The following CATSPERE variants were observed in gnomAD, a reference collection of about 807,000 sequenced individuals.
CATSPERE encodes the protein cation channel sperm-associated auxiliary subunit epsilon.
In CATSPERE, 93 loss-of-function variants were observed where a neutral mutation model predicts 114.1. The observed-to-expected ratio is 0.81, with a 90% CI of 0.69 to 0.97. CATSPERE has a LOEUF of 0.97. CATSPERE is among the 50% of genes least tolerant of loss of function. The pLI, the probability that CATSPERE is intolerant of heterozygous loss-of-function variation, is 0.00. For synonymous variants in CATSPERE, 341 were observed against 384.1 expected (o/e 0.89, Z 1.31); for missense variants, 1,058 against 1,131.6 (o/e 0.93, Z 0.93).
chr1:244,572,239 CA>C (rs1192715428), intron 10 of CATSPERE, 90 bp from the exon 11 acceptor site: 5 of 682,226 alleles, frequency 7.3e-6, no homozygotes, highest in Non-Finnish European at 1.3e-5. Flanking sequence ...CGGTCATTAT[CA>C]AAGAAATTAT....
chr1:244,577,607 A>G (rs1396238810), intron 11 of CATSPERE, among the ~76,000 whole-genome samples: 1 of 152,216 alleles, frequency 6.6e-6, no homozygotes. Context: ...GTGTCCTCAC[A>G]TGGCAGAAGG....
At chr1:244,600,517 A>C (rs1213239299) in intron 17 of CATSPERE, among the ~76,000 whole-genome samples, 1 of 152,204 alleles carries the variant, frequency 6.6e-6, no homozygotes, top group Non-Finnish European at 1.5e-5. Flanking sequence ...CCTCCTATGG[A>C]TCTGAACTTA....
intron 20 of CATSPERE, among the ~76,000 whole-genome samples, chr1:244,623,870 G>A (rs556681585): frequency 6.6e-6 from 1 of 152,340 alleles, no homozygotes; most frequent in South Asian, 2.1e-4. Flanking sequence ...CTTTTAGCAA[G>A]TCATAATCTT....
Position 244,473,182 on chromosome 1 carries a change from C to T in CATSPERE, c.115-4359C>T, listed in dbSNP as rs567098865. 5.3e-5 allele frequency among the ~76,000 whole-genome samples: 8 copies of T among 152,224 alleles called. No individual in the cohort carries two copies. In the South Asian group the frequency reaches 1.7e-3, roughly 32 times the overall value. On this transcript the variant is annotated intron_variant, in intron 2 of 21. Coordinates refer to ENST00000366534, the MANE Select transcript of CATSPERE (RefSeq NM_001130957.2). ...TATGTTTAGTTTTGTAAGAAATTGCCAAACTGTCCTCCAAGATGGCTGTAC... is the reference window on the plus strand; with the variant it reads ...TATGTTTAGTTTTGTAAGAAATTGCTAAACTGTCCTCCAAGATGGCTGTAC...
At position 244,523,847 on chromosome 1, in the gene CATSPERE, G is replaced by C. The variant is rs1413572011; in HGVS notation, c.536+5149G>C. 1.4e-4 allele frequency among the ~76,000 whole-genome samples: 21 copies of C among 148,584 alleles called. 1 individual carries two copies. In the South Asian group the frequency reaches 4.3e-3, roughly 30 times the overall value. On this transcript the variant is annotated intron_variant, in intron 8 of 21. Transcript: ENST00000366534. ...TCAATGAAATAAAAGAGGATACAAA[G>C]AAATGGAAGAACATTCCATGTTCAT...
At chr1:244,471,555 C>T (rs977928239) in intron 2 of CATSPERE, among the ~76,000 whole-genome samples, 1 of 152,210 alleles carries the variant, frequency 6.6e-6, no homozygotes, top group Non-Finnish European at 1.5e-5. Flanking sequence ...TTCCCCATCT[C>T]AGCCATTGGC....
intron 10 of CATSPERE, among the ~76,000 whole-genome samples, chr1:244,571,606 A>G (rs1664476974): frequency 6.6e-6 from 1 of 152,172 alleles, no homozygotes; most frequent in Non-Finnish European, 1.5e-5. Context: ...ACTCACCTCC[A>G]TGTCTTCATT....
chr1:244,510,585 C>T lies in CATSPERE; in HGVS notation c.430-8007C>T, dbSNP rs565225344. Among the ~76,000 whole-genome samples, 10 of 152,190 alleles carry T rather than the reference C, an allele frequency of 6.6e-5. No homozygotes were observed. The South Asian group carries it at 1.0e-3, about 16-fold the overall frequency. Reference sequence around the variant, plus strand: ...TGATTAAAAGAATGTGTATTCTGTACTTTTTATGCAAAATGTTTTGTAAAT... The same window carrying T: ...TGATTAAAAGAATGTGTATTCTGTATTTTTTATGCAAAATGTTTTGTAAAT... On this transcript the variant is annotated intron_variant, in intron 7 of 21. Transcript: ENST00000366534.
At chr1:244,537,456 T>C (rs1006498690) in intron 8 of CATSPERE, among the ~76,000 whole-genome samples, 5 of 152,162 alleles carry the variant, frequency 3.3e-5, no homozygotes, top group Admixed American at 2.0e-4. Context: ...TGTCTTTGTC[T>C]GGTTTTGGTT....
At chr1:244,621,282 T>C (rs373969628) in intron 20 of CATSPERE, among the ~76,000 whole-genome samples, 4 of 115,916 alleles carry the variant, frequency 3.5e-5, no homozygotes, top group Non-Finnish European at 7.0e-5. Context: ...TATATCTATA[T>C]AGATATATCT....
At chr1:244,524,443 C>T (rs1286372779) in intron 8 of CATSPERE, among the ~76,000 whole-genome samples, 1 of 151,240 alleles carries the variant, frequency 6.6e-6, no homozygotes, top group East Asian at 1.9e-4. Context: ...GACTTCATGT[C>T]TAAAACACCA....
chr1:244,540,693 G>A (rs1362613915), intron 8 of CATSPERE, among the ~76,000 whole-genome samples: 3 of 145,088 alleles, frequency 2.1e-5, no homozygotes, highest in East Asian at 2.1e-4. Flanking sequence ...AGCCTGCATC[G>A]CCAAGTCAAT....
Position 244,621,189 on chromosome 1 carries a change from A to C in CATSPERE, c.2648+3503A>C, listed in dbSNP as rs1279298200. 5.1e-4 allele frequency among the ~76,000 whole-genome samples: 2 copies of C among 3,910 alleles called. 1 individual carries two copies. Among genetic ancestry groups the C allele is most frequent in the Non-Finnish European group, 2.0e-3 (2 of 1,022 alleles). The allele number at this position is 3,910 out of a possible 152,430, so 2.6% of individuals were successfully genotyped here. The stretch of plus-strand genomic sequence containing the variant: ...ATTATATATAGATATATTTATATAG[A>C]TATATTTATATAGATATATTTATAT... On this transcript the variant is annotated intron_variant, in intron 20 of 21. Coordinates refer to ENST00000366534, the MANE Select transcript of CATSPERE (RefSeq NM_001130957.2).
chr1:244,474,478 A>G (rs1358837982), intron 2 of CATSPERE, among the ~76,000 whole-genome samples: 4 of 151,864 alleles, frequency 2.6e-5, no homozygotes, highest in African/African-American at 9.7e-5. Flanking sequence ...TTCTTTAATT[A>G]TAGAATATTA....
At chr1:244,550,069 C>T (rs3000686) in intron 8 of CATSPERE, among the ~76,000 whole-genome samples, 151,141 of 152,248 alleles carry the variant, frequency 0.99, 75,031 homozygotes, top group Middle Eastern at 1. Context: ...ACTCACACCA[C>T]TGGCACCCCA....
chr1:244,499,355 A>G (rs1177439390), intron 7 of CATSPERE, among the ~76,000 whole-genome samples: 3 of 151,942 alleles, frequency 2.0e-5, no homozygotes, highest in African/African-American at 7.3e-5. Context: ...CTCTAAGTTC[A>G]GAGATATATG....
rs1323146072 is a variant in CATSPERE at position 244,605,751 on chromosome 1, T to C, written c.2360T>C (p.Ile787Thr). The part of the protein sequence containing the change: ...DVEANFIVWE[I>T]HGRDDYSFNN... ...GAAGCAAATTTCATAGTGTGGGAAA[T>C]ACACGGCAGGGATGACTATAGCTTT... Residue 787 changes from isoleucine to threonine, a missense_variant, in exon 18 of 22, where the codon ATA becomes ACA. Around this residue, in one of 2 missense-constraint regions of CATSPERE, gnomAD observed 787 missense variants for 905.6 expected, o/e 0.87. Transcript: ENST00000366534. The C allele has an allele frequency of 1.2e-6, 2 of 1,613,528 alleles. No homozygotes were observed. Among genetic ancestry groups the C allele is most frequent in the Non-Finnish European group, 1.7e-6 (2 of 1,179,730 alleles).
intron 7 of CATSPERE, among the ~76,000 whole-genome samples, chr1:244,512,999 C>A (rs1012038788): frequency 6.6e-6 from 1 of 152,168 alleles, no homozygotes; most frequent in African/African-American, 2.4e-5. Flanking sequence ...GGTTCGTGAA[C>A]CCCCTGGCAG....
chr1:244,490,624 G>C (rs1315645777), intron 6 of CATSPERE, among the ~76,000 whole-genome samples, 153 bp downstream of exon 6: 1 of 151,880 alleles, frequency 6.6e-6, no homozygotes, highest in Non-Finnish European at 1.5e-5. Flanking sequence ...CCATTCAGGA[G>C]GTCCATGAGG....
Sources: gnomAD v4.1 joint callset for allele counts (sites outside exome capture counted in the v4.1 genomes callset) on GRCh38, gnomAD v4.1.1 for gene constraint, gnomAD v4.1.1 regional missense constraint, MANE v1.5 for transcripts, NCBI Gene and HGNC (gene_info 2026-07-23, HGNC 2026-07-21) for gene names.